Variants in PRKCB observed in about 807,000 individuals in gnomAD.
PRKCB encodes the protein protein kinase C beta, also known as protein kinase C beta type.
A neutral mutation model predicts 81.5 loss-of-function variants in PRKCB; 13 were observed. That is an observed-to-expected ratio of 0.16 (90% CI 0.10 to 0.25). The LOEUF is 0.25. Among genes scored for constraint, PRKCB ranks in the 10% least tolerant of loss-of-function variants. PRKCB has a pLI of 1.00. For synonymous variants in PRKCB, 335 were observed against 321.4 expected (o/e 1.04, Z -0.45); for missense variants, 509 against 875.7 (o/e 0.58, Z 5.29).
chr16:24,127,503 T>A (rs774846905), intron 9 of PRKCB, among the ~76,000 whole-genome samples: 1 of 151,158 alleles, frequency 6.6e-6, no homozygotes, highest in East Asian at 1.9e-4. Flanking sequence ...TAACATTTTT[T>A]ATTCTTGTCC....
chr16:23,925,572 C>G (rs899992731), intron 2 of PRKCB, among the ~76,000 whole-genome samples: 2 of 152,096 alleles, frequency 1.3e-5, no homozygotes, highest in East Asian at 1.9e-4. Context: ...CCCAGCATCC[C>G]TGTCTGAGGT....
chr16:24,201,880 C>A (rs1039517709), intron 16 of PRKCB, among the ~76,000 whole-genome samples: 1 of 151,804 alleles, frequency 6.6e-6, no homozygotes, highest in African/African-American at 2.4e-5. Flanking sequence ...CTAAAAAATA[C>A]AAAAAATTAG....
At chr16:24,141,796 T>A (rs138596224) in intron 9 of PRKCB, among the ~76,000 whole-genome samples, 113 of 152,318 alleles carry the variant, frequency 7.4e-4, no homozygotes, top group African/African-American at 2.7e-3. Flanking sequence ...GTACCACCTC[T>A]AAGCACAGAC....
intron 9 of PRKCB, among the ~76,000 whole-genome samples, chr16:24,132,256 G>A (rs1966854398): frequency 6.6e-6 from 1 of 152,180 alleles, no homozygotes; most frequent in Admixed American, 6.5e-5. Context: ...TGAGCATGAG[G>A]CATCCTGGCT....
intron 2 of PRKCB, among the ~76,000 whole-genome samples, chr16:23,846,630 A>AGT (rs1962373993): frequency 6.6e-6 from 1 of 151,454 alleles, no homozygotes; most frequent in Non-Finnish European, 1.5e-5. Flanking sequence ...AAAAAAAAAA[A>AGT]AAGTTAGTTT....
rs969718259 is a variant in PRKCB at position 24,113,217 on chromosome 16, C to T, written c.918+148C>T. On this transcript the variant is annotated intron_variant, in intron 8 of 16. Coordinates refer to ENST00000643927, the MANE Select transcript of PRKCB (RefSeq NM_002738.7). ...TTCTTCCTCTCTCTTTTCTTTCCTT[C>T]TTTCTCCTTTCTTTCTTTCTTGCTT... 16 of 543,648 alleles carry T rather than the reference C, an allele frequency of 2.9e-5. 1 individual carries two copies. Among genetic ancestry groups the T allele is most frequent in the South Asian group, 2.2e-4 (8 of 36,206 alleles). The allele number at this position is 543,648 out of a possible 1,614,324, so 33.7% of individuals were successfully genotyped here. A position where few individuals can be genotyped will look rare whatever the true frequency, so the allele number is the denominator to read the frequency against.
At chr16:23,936,774 GT>G (rs1262459487) in intron 2 of PRKCB, among the ~76,000 whole-genome samples, 2 of 152,018 alleles carry the variant, frequency 1.3e-5, no homozygotes, top group Non-Finnish European at 2.9e-5. Context: ...TATTAAACAA[GT>G]CCTGTAGGGA....
chr16:23,846,221 T>A (rs1195319503), intron 2 of PRKCB, among the ~76,000 whole-genome samples: 3 of 152,226 alleles, frequency 2.0e-5, no homozygotes, highest in Non-Finnish European at 4.4e-5. Flanking sequence ...TAATATATCT[T>A]TAACAACCCT....
intron 2 of PRKCB, among the ~76,000 whole-genome samples, chr16:23,875,355 TA>T (rs1237242119): frequency 6.6e-6 from 1 of 151,364 alleles, no homozygotes; most frequent in Non-Finnish European, 1.5e-5. Flanking sequence ...TGTCTTATGA[TA>T]AAAAAAATAC....
intron 9 of PRKCB, among the ~76,000 whole-genome samples, chr16:24,136,536 C>T (rs1447638771): frequency 6.6e-6 from 1 of 152,184 alleles, no homozygotes; most frequent in Admixed American, 6.5e-5. Flanking sequence ...TCGATGACAT[C>T]TCTCTGCAGA....
At chr16:23,956,385 T>G (rs976142583) in intron 2 of PRKCB, among the ~76,000 whole-genome samples, 2 of 152,208 alleles carry the variant, frequency 1.3e-5, no homozygotes, top group African/African-American at 4.8e-5. Flanking sequence ...CACCTTATGT[T>G]TTAAATGGCT....
intron 16 of PRKCB, chr16:24,208,171 C>T (rs1488176197): frequency 1.3e-5 from 2 of 152,206 alleles, no homozygotes; most frequent in Admixed American, 1.3e-4. Flanking sequence ...ACTCACAAGG[C>T]CAAGGCAAGA....
chr16:24,027,749 C>T (rs1231210338), intron 3 of PRKCB, among the ~76,000 whole-genome samples: 1 of 152,178 alleles, frequency 6.6e-6, no homozygotes, highest in South Asian at 2.1e-4. Context: ...TTGAGACATA[C>T]GTTTCCTGTG....
At chr16:24,202,427 A>G (rs1239075008) in intron 16 of PRKCB, among the ~76,000 whole-genome samples, 1 of 152,300 alleles carries the variant, frequency 6.6e-6, no homozygotes, top group African/African-American at 2.4e-5. Flanking sequence ...GCCTCTTCTC[A>G]TAAGCTTGTC....
intron 16 of PRKCB, among the ~76,000 whole-genome samples, chr16:24,213,227 G>A (rs994340532): frequency 3.3e-5 from 5 of 151,946 alleles, no homozygotes; most frequent in Non-Finnish European, 7.4e-5. Flanking sequence ...TAGAGACGGG[G>A]TTTCATCATG....
intron 16 of PRKCB, among the ~76,000 whole-genome samples, chr16:24,197,511 G>A (rs1967897287): frequency 6.6e-6 from 1 of 151,966 alleles, no homozygotes; most frequent in African/African-American, 2.4e-5. Context: ...AAAAGGGGGT[G>A]TGAGATCAGA....
rs113783922 is a variant in PRKCB, at chr16:24,051,361, G to A, written c.529+15814G>A. 1.8e-3 allele frequency among the ~76,000 whole-genome samples: 269 copies of A among 152,304 alleles called. 3 individuals are homozygous for A. Among genetic ancestry groups the A allele is most frequent in the African/African-American group, 6.2e-3 (259 of 41,568 alleles). ...CTGTCTCTCTAGTTGCCTGGTACCT[G>A]ATACCTGGTGCTTTTACCTGGGGTA... On this transcript the variant is annotated intron_variant, in intron 5 of 16. Coordinates refer to ENST00000643927, the MANE Select transcript of PRKCB (RefSeq NM_002738.7).
chr16:23,848,151 C>T (rs1001742479), intron 2 of PRKCB, among the ~76,000 whole-genome samples: 5 of 151,994 alleles, frequency 3.3e-5, no homozygotes, highest in African/African-American at 4.8e-5. Flanking sequence ...GGGAGGTGAA[C>T]GTCATATCAG....
intron 5 of PRKCB, among the ~76,000 whole-genome samples, chr16:24,077,088 C>T (rs1329253831): frequency 2.0e-5 from 3 of 152,082 alleles, no homozygotes; most frequent in African/African-American, 4.8e-5. Flanking sequence ...TATCAGGGGG[C>T]CTCTAGGACC....
Sources: gnomAD v4.1 joint callset for allele counts (sites outside exome capture counted in the v4.1 genomes callset) on GRCh38, gnomAD v4.1.1 for gene constraint, MANE v1.5 for transcripts, NCBI Gene and HGNC (gene_info 2026-07-23, HGNC 2026-07-21) for gene names.